The following PLEKHM2 variants were observed in gnomAD, a reference collection of about 807,000 sequenced individuals.
PLEKHM2 encodes the protein pleckstrin homology and RUN domain containing M2, also known as pleckstrin homology domain-containing family M member 2.
Under a neutral mutation model 116.3 loss-of-function variants are expected in PLEKHM2, and 77 were observed. The observed-to-expected ratio is 0.66, with a 90% CI of 0.55 to 0.80. The LOEUF is 0.80. PLEKHM2 is among the 30% of genes least tolerant of loss of function. The pLI is 0.00. For missense variants in PLEKHM2, 1,183 were observed against 1,354.9 expected (o/e 0.87, Z 1.99); for synonymous variants, 562 against 571.0 (o/e 0.98, Z 0.22).
chr1:15,716,093 G>T, intron 1 of PLEKHM2, 144 bp from the exon 2 acceptor site: 1 of 600,712 alleles, frequency 1.7e-6, no homozygotes, highest in East Asian at 2.8e-5. Flanking sequence ...AGCTGGGACA[G>T]GGGTGGTTTG....
At position 15,706,003 on chromosome 1, in the gene PLEKHM2, C is replaced by T. The variant is rs116966131; in HGVS notation, c.61-10234C>T. 1.0e-3 allele frequency among the ~76,000 whole-genome samples: 157 copies of T among 152,178 alleles called. 1 individual carries two copies. In the East Asian group the frequency reaches 0.026, roughly 26 times the overall value. On this transcript the variant is annotated intron_variant, in intron 1 of 19. Coordinates refer to ENST00000375799, the MANE Select transcript of PLEKHM2 (RefSeq NM_015164.4). ...ACTCGGGAGGTTGAAGTGGGAGGAT[C>T]GATTGAGGCAGAGGCTGCAGTGAGC... is the stretch of plus-strand genomic sequence containing the variant.
chr1:15,719,353 G>A lies in PLEKHM2; in HGVS notation c.466-381G>A, dbSNP rs897057455. 6.6e-6 allele frequency among the ~76,000 whole-genome samples: 1 copy of A among 152,128 alleles called. No individual in the cohort carries two copies. The highest frequency in any genetic ancestry group is 2.4e-5 in the African/African-American group (1 of 41,422). On this transcript the variant is annotated intron_variant, in intron 5 of 19. Transcript: ENST00000375799. This position sits in a 1 kb window ranked among gnomAD's most constrained non-coding sequence, Gnocchi z 4.1. ...TATAATCTCAGCTACTTGGGAGGCT[G>A]AGGCAGGAGAATCGCTCGAACCCGG...
intron 1 of PLEKHM2, among the ~76,000 whole-genome samples, chr1:15,712,758 A>AC (rs35789551): frequency 0.99 from 149,097 of 150,758 alleles, 73,732 homozygotes; most frequent in Non-Finnish European, 1. Context: ...CCTCCCCCTG[A>AC]CCCTGCCTCA....
Position 15,727,405 on chromosome 1 carries a change from G to T in PLEKHM2, c.1333G>T (p.Ala445Ser). The T allele has an allele frequency of 6.2e-7, 1 of 1,604,874 alleles. No individual in the cohort carries two copies. Among genetic ancestry groups the T allele is most frequent in the Non-Finnish European group, 8.5e-7 (1 of 1,176,408 alleles). The change falls in exon 9 of 20, where the codon GCC (alanine) becomes TCC (serine). Residue 445 changes from alanine to serine, a missense_variant. This residue lies in a region of PLEKHM2 where 372 missense variants were observed against 357.2 expected (regional missense o/e 1.04). Coordinates refer to ENST00000375799, the MANE Select transcript of PLEKHM2 (RefSeq NM_015164.4). The surrounding 1 kb of genome is among the most constrained non-coding windows in gnomAD (Gnocchi z 7.5). The stretch of plus-strand genomic sequence containing the variant: ...CTTTCGGACCGGCTCTCCCGGGGAT[G>T]CCCCGGAGAGGCCGCCGCTTTGCGA... ...QSFRTGSPGD[A>S]PERPPLCDFS...
intron 1 of PLEKHM2, among the ~76,000 whole-genome samples, chr1:15,693,572 C>T (rs1397243710): frequency 1.3e-5 from 2 of 152,176 alleles, no homozygotes; most frequent in African/African-American, 2.4e-5. Flanking sequence ...AGAAACAGGT[C>T]ACCATCTGGC....
At position 15,728,077 on chromosome 1, in the gene PLEKHM2, A is replaced by C; in HGVS notation, c.1761-2A>C. 1 of 1,609,272 alleles carries C rather than the reference A, an allele frequency of 6.2e-7. No homozygotes were observed. Among genetic ancestry groups the C allele is most frequent in the Non-Finnish European group, 8.5e-7 (1 of 1,177,576 alleles). On this transcript the variant is annotated splice_acceptor_variant, in intron 9 of 19. Transcript: ENST00000375799. LOFTEE classifies it high-confidence loss of function. This position sits in a 1 kb window ranked among gnomAD's most constrained non-coding sequence, Gnocchi z 5.9. The stretch of plus-strand genomic sequence containing the variant: ...CTCGCCCTCCTGACTTGGCCCTCAC[A>C]GAGTAGACAACAATCACCTGCTCCT...
At chr1:15,730,041 C>T (rs2068117805) in intron 14 of PLEKHM2, 112 bp downstream of exon 14, 1 of 462,384 alleles carries the variant, frequency 2.2e-6, no homozygotes, top group African/African-American at 2.1e-5. Flanking sequence ...TCACAATCGC[C>T]TACCTGGGCG....
At chr1:15,692,489 A>G (rs1368143867) in intron 1 of PLEKHM2, among the ~76,000 whole-genome samples, 7 of 152,198 alleles carry the variant, frequency 4.6e-5, no homozygotes, top group Non-Finnish European at 1.0e-4. Context: ...CCCGGAAACC[A>G]TGTCGTGCAC....
rs35882831 is a variant in PLEKHM2, at chr1:15,719,450, CAA to C, written c.466-274_466-273del. 0.37 allele frequency among the ~76,000 whole-genome samples: 53,808 copies of C among 146,918 alleles called. 12,219 individuals are homozygous for C. The highest frequency in any genetic ancestry group is 0.65 in the African/African-American group (26,481 of 40,722). On this transcript the variant is annotated intron_variant, in intron 5 of 19. Transcript: ENST00000375799. The surrounding 1 kb of genome is among the most constrained non-coding windows in gnomAD (Gnocchi z 4.1). ...AGGGCAACAGAGTGAGACTCTGTCT[CAA>C]AAAAAAAAATAAATAAATAGAGAGA...
rs2067958789 is a variant in PLEKHM2, at chr1:15,719,462, TAAATA to T, written c.466-269_466-265del. Reference sequence around the variant, plus strand: ...TGAGACTCTGTCTCAAAAAAAAAAATAAATAAATAGAGAGAGAGAGAGATAGCGGG... The same window carrying T: ...TGAGACTCTGTCTCAAAAAAAAAAATAATAGAGAGAGAGAGAGATAGCGGG... On this transcript the variant is annotated intron_variant, in intron 5 of 19. Transcript: ENST00000375799. This position sits in a 1 kb window ranked among gnomAD's most constrained non-coding sequence, Gnocchi z 4.1. 6.8e-6 allele frequency among the ~76,000 whole-genome samples: 1 copy of T among 147,496 alleles called. No homozygotes were observed. Among genetic ancestry groups the T allele is most frequent in the African/African-American group, 2.6e-5 (1 of 38,544 alleles).
intron 15 of PLEKHM2, 91 bp downstream of exon 15, chr1:15,730,813 A>G (rs2068132626): frequency 9.4e-7 from 1 of 1,060,778 alleles, no homozygotes; most frequent in Admixed American, 2.4e-5. Flanking sequence ...GCAGCAGGTC[A>G]CTGAGGGAGC....
At chr1:15,705,113 C>T (rs1641197606) in intron 1 of PLEKHM2, among the ~76,000 whole-genome samples, 1 of 151,580 alleles carries the variant, frequency 6.6e-6, no homozygotes, top group Admixed American at 6.6e-5. Context: ...ACCCCCCCTG[C>T]CCCTGAACCT....
At chr1:15,724,267 G>A (rs1041922718) in intron 7 of PLEKHM2, among the ~76,000 whole-genome samples, 2 of 152,124 alleles carry the variant, frequency 1.3e-5, no homozygotes, top group Admixed American at 6.6e-5. Context: ...GGCAGATCAC[G>A]AGGTCAGGAG....
chr1:15,733,003 G>T (rs550069713), intron 19 of PLEKHM2, among the ~76,000 whole-genome samples: 2 of 152,258 alleles, frequency 1.3e-5, no homozygotes, highest in Non-Finnish European at 2.9e-5. Flanking sequence ...CAGCATTGCT[G>T]CCTCAAGGGC....
At chr1:15,715,467 C>A (rs1289916554) in intron 1 of PLEKHM2, among the ~76,000 whole-genome samples, 2 of 152,116 alleles carry the variant, frequency 1.3e-5, no homozygotes, top group Admixed American at 6.5e-5. Context: ...CATGGCGAAA[C>A]CTCGTCTCTA....
Position 15,729,030 on chromosome 1 carries a change from C to T in PLEKHM2, c.1987-72C>T, listed in dbSNP as rs1055817720. 4.3e-6 allele frequency: 6 copies of T among 1,406,502 alleles called. No individual in the cohort carries two copies. The Admixed American group carries it at 5.9e-5, about 14-fold the overall frequency. The allele number at this position is 1,406,502 out of a possible 1,614,324, so 87.1% of individuals were successfully genotyped here. A position where few individuals can be genotyped will look rare whatever the true frequency, so the allele number is the denominator to read the frequency against. ...TTCTTCCTCCCCAGCAAGCGCTCAGCCTGGCCAAGCTGCCTTCTCCGCCAG... is the reference window on the plus strand; with the variant it reads ...TTCTTCCTCCCCAGCAAGCGCTCAGTCTGGCCAAGCTGCCTTCTCCGCCAG... On this transcript the variant is annotated intron_variant, in intron 12 of 19. Coordinates refer to ENST00000375799, the MANE Select transcript of PLEKHM2 (RefSeq NM_015164.4). The surrounding 1 kb of genome is among the most constrained non-coding windows in gnomAD (Gnocchi z 4.7).
chr1:15,719,690 C>T lies in PLEKHM2; in HGVS notation c.466-44C>T. On this transcript the variant is annotated intron_variant, in intron 5 of 19. Transcript: ENST00000375799. This position sits in a 1 kb window ranked among gnomAD's most constrained non-coding sequence, Gnocchi z 4.1. Reference sequence around the variant, plus strand: ...TCCTGCTGTCTGCAGAAGGCCGCTGCACGAGGCCTCCCACCAAACGGGCCT... The same window carrying T: ...TCCTGCTGTCTGCAGAAGGCCGCTGTACGAGGCCTCCCACCAAACGGGCCT... The T allele has an allele frequency of 1.4e-6, 2 of 1,417,862 alleles. No homozygotes were observed. Among genetic ancestry groups the T allele is most frequent in the Non-Finnish European group, 2.0e-6 (2 of 1,009,630 alleles). The allele number at this position is 1,417,862 out of a possible 1,614,324, so 87.8% of individuals were successfully genotyped here. A position where few individuals can be genotyped will look rare whatever the true frequency, so the allele number is the denominator to read the frequency against.
chr1:15,714,677 A>G (rs1235780936), intron 1 of PLEKHM2, among the ~76,000 whole-genome samples: 1 of 152,142 alleles, frequency 6.6e-6, no homozygotes, highest in Non-Finnish European at 1.5e-5. Context: ...GGTGTGGTTG[A>G]TGTATCTTGC....
chr1:15,712,565 C>T (rs895168698), intron 1 of PLEKHM2, among the ~76,000 whole-genome samples: 3 of 151,734 alleles, frequency 2.0e-5, no homozygotes, highest in Non-Finnish European at 2.9e-5. Flanking sequence ...AAGTATGGTA[C>T]ATCATAATGA....
Sources: allele counts gnomAD v4.1 joint callset (sites outside exome capture counted in the v4.1 genomes callset), GRCh38; gene constraint gnomAD v4.1.1; regional missense constraint gnomAD v4.1.1; non-coding constraint Gnocchi (gnomAD v3.1); transcripts MANE v1.5; gene names NCBI Gene and HGNC (gene_info 2026-07-23, HGNC 2026-07-21).